Variants in PCDHA8 observed in about 807,000 individuals in gnomAD.
The protein encoded by PCDHA8 is protocadherin alpha 8.
PCDHA8 carries 53 observed loss-of-function variants against 61.8 expected under a neutral mutation model. The ratio of observed to expected loss-of-function variants is 0.86; its 90% CI spans 0.69 to 1.08. The LOEUF is 1.08. Ranked by LOEUF, PCDHA8 falls within the 50% of genes least tolerant of loss-of-function variation. The probability of loss-of-function intolerance (pLI) is 0.00; values close to 1 mark genes in which losing one functional copy is unlikely to be tolerated. For missense variants in PCDHA8, 1,293 were observed against 1,245.0 expected (o/e 1.04, Z -0.58); for synonymous variants, 618 against 556.6 (o/e 1.11, Z -1.55).
intron 1 of PCDHA8, among the ~76,000 whole-genome samples, chr5:140,909,839 C>A (rs2074714040): frequency 1.3e-5 from 2 of 152,146 alleles, no homozygotes; most frequent in Admixed American, 6.5e-5. Context: ...GGAGGACCAC[C>A]AGGACGTTTT....
intron 1 of PCDHA8, among the ~76,000 whole-genome samples, chr5:140,871,899 A>G (rs1160830243): frequency 2.6e-5 from 4 of 152,208 alleles, no homozygotes; most frequent in Admixed American, 2.0e-4. Context: ...CTTTTAGCAG[A>G]GTTTTGCCTT....
intron 1 of PCDHA8, chr5:140,927,406 G>C: frequency 6.2e-7 from 1 of 1,614,210 alleles, no homozygotes; most frequent in East Asian, 2.2e-5. Context: ...CTTTCGCCTG[G>C]ACATGGGATC....
intron 1 of PCDHA8, chr5:140,927,497 T>A: frequency 6.2e-7 from 1 of 1,614,094 alleles, no homozygotes; most frequent in Non-Finnish European, 8.5e-7. Flanking sequence ...CACCTGCTGG[T>A]GCTTACAGCT....
intron 1 of PCDHA8, chr5:140,876,720 G>C (rs781797133): frequency 2.5e-6 from 4 of 1,614,264 alleles, no homozygotes; most frequent in Non-Finnish European, 3.4e-6. Flanking sequence ...TGGACCGCGA[G>C]AGCGTGTCGG....
chr5:140,964,133 G>A (rs2095812042), intron 1 of PCDHA8, among the ~76,000 whole-genome samples: 1 of 152,182 alleles, frequency 6.6e-6, no homozygotes, highest in African/African-American at 2.4e-5. Context: ...AACTAGTAAG[G>A]TTGGCAGGAG....
intron 1 of PCDHA8, chr5:140,860,659 T>C (rs1310065546): frequency 1.3e-5 from 2 of 152,224 alleles, no homozygotes; most frequent in Non-Finnish European, 2.9e-5. Context: ...AGTGAAATAA[T>C]ATGAAATCAA....
intron 1 of PCDHA8, among the ~76,000 whole-genome samples, chr5:140,911,460 G>A (rs1346001317): frequency 1.3e-5 from 2 of 152,140 alleles, no homozygotes; most frequent in African/African-American, 4.8e-5. Context: ...TTTCTCTACA[G>A]GAGATAAGAC....
rs1554139478 is a variant in PCDHA8 at position 140,842,864 on chromosome 5, G to A, written c.1543G>A (p.Gly515Ser). Reference protein sequence around the residue: ...SSYISVHTESGKVYALQPLDH... With the variant: ...SSYISVHTESSKVYALQPLDH... The stretch of plus-strand genomic sequence containing the variant: ...CTACATTTCGGTGCACACGGAGAGC[G>A]GCAAGGTGTACGCGCTGCAGCCGCT... The change falls in exon 1 of 4, where the codon GGC becomes AGC. Residue 515 changes from glycine (G) to serine (S), a missense_variant. Transcript: ENST00000531613. 2.5e-6 allele frequency: 4 copies of A among 1,594,034 alleles called. 1 individual carries two copies. Among genetic ancestry groups the A allele is most frequent in the Middle Eastern group, 2.1e-4 (1 of 4,754 alleles).
At chr5:140,964,473 T>G (rs1457345251) in intron 1 of PCDHA8, among the ~76,000 whole-genome samples, 13 of 152,068 alleles carry the variant, frequency 8.5e-5, no homozygotes, top group African/African-American at 3.1e-4. Flanking sequence ...TGCCTATGAT[T>G]TTTTCACAGT....
At chr5:140,888,222 G>T (rs956304839) in intron 1 of PCDHA8, among the ~76,000 whole-genome samples, 1 of 152,168 alleles carries the variant, frequency 6.6e-6, no homozygotes, top group African/African-American at 2.4e-5. Flanking sequence ...GTGTGTGTGT[G>T]CATGTGTGTG....
chr5:140,926,548 A>C, intron 1 of PCDHA8: 1 of 226,392 alleles, frequency 4.4e-6, no homozygotes, highest in Non-Finnish European at 8.5e-6. Flanking sequence ...GGTGGTCGAG[A>C]CCCCAGCCCG....
chr5:140,898,072 G>T (rs1412097602), intron 1 of PCDHA8, among the ~76,000 whole-genome samples: 1 of 152,012 alleles, frequency 6.6e-6, no homozygotes, highest in Non-Finnish European at 1.5e-5. Flanking sequence ...TGAGTTCATT[G>T]TAGATTCTGG....
At chr5:140,889,872 G>A (rs1554184085) in intron 1 of PCDHA8, among the ~76,000 whole-genome samples, 1 of 152,140 alleles carries the variant, frequency 6.6e-6, no homozygotes, top group South Asian at 2.1e-4. Flanking sequence ...GGGGAAGCCT[G>A]CCACCATGTA....
chr5:140,949,529 T>C (rs2094389085), intron 1 of PCDHA8, among the ~76,000 whole-genome samples: 1 of 151,910 alleles, frequency 6.6e-6, no homozygotes, highest in South Asian at 2.1e-4. Flanking sequence ...TTTATCTTCA[T>C]AAAATATCGA....
At chr5:140,849,902 G>A (rs1297576408) in intron 1 of PCDHA8, 3 of 1,598,418 alleles carry the variant, frequency 1.9e-6, no homozygotes, top group Non-Finnish European at 2.6e-6. Context: ...AGAACAACCC[G>A]CCGGGCTGCC....
chr5:140,926,929 G>T, intron 1 of PCDHA8: 2 of 1,575,722 alleles, frequency 1.3e-6, no homozygotes, highest in South Asian at 2.3e-5. Flanking sequence ...ATGTTTGTGG[G>T]TTTCCTGCGG....
intron 1 of PCDHA8, chr5:140,856,104 T>C: frequency 6.3e-7 from 1 of 1,597,888 alleles, no homozygotes; most frequent in Non-Finnish European, 8.6e-7. Context: ...TCGCTTCTTC[T>C]CCTCGCAGCC....
intron 3 of PCDHA8, among the ~76,000 whole-genome samples, chr5:140,998,872 T>C (rs1159101161): frequency 6.6e-6 from 1 of 152,202 alleles, no homozygotes; most frequent in African/African-American, 2.4e-5. Flanking sequence ...TTGTAAATAA[T>C]AAGTTTAGTT....
rs139717123 is a variant in PCDHA8, at chr5:140,967,213, G to A, written c.2395-11736G>A. 8 of 1,613,598 alleles carry A rather than the reference G, an allele frequency of 5.0e-6. No individual in the cohort carries two copies. The African/African-American group carries it at 8.0e-5, about 16-fold the overall frequency. On this transcript the variant is annotated intron_variant, in intron 1 of 3. Coordinates refer to ENST00000531613, the MANE Select transcript of PCDHA8 (RefSeq NM_018911.3). ...TCAACGACAACTCACCGCGTTTCCC[G>A]CGGCCCAACTACCAGCTTCAGGTAA...
Sources: allele counts gnomAD v4.1 joint callset (sites outside exome capture counted in the v4.1 genomes callset), GRCh38; gene constraint gnomAD v4.1.1; transcripts MANE v1.5; gene names NCBI Gene and HGNC (gene_info 2026-07-23, HGNC 2026-07-21).